The following RSPH1 variants were observed in gnomAD, a reference collection of about 807,000 sequenced individuals.
The protein encoded by RSPH1 is radial spoke head 1 homolog.
Under a neutral mutation model 44.2 loss-of-function variants are expected in RSPH1, and 32 were observed. The observed-to-expected ratio is 0.72, with a 90% CI of 0.55 to 0.97. The LOEUF (loss-of-function observed/expected upper bound fraction) is 0.97, where lower values mean the gene tolerates loss of function less well. RSPH1 is among the 50% of genes least tolerant of loss of function. The pLI is 0.00. For synonymous variants in RSPH1, 134 were observed against 147.3 expected, an observed-to-expected ratio of 0.91 and a Z score of 0.65; for missense variants, 391 against 398.7, an observed-to-expected ratio of 0.98 and a Z score of 0.16.
At chr21:42,496,050 G>T (rs1320651038) in intron 1 of RSPH1, 83 bp downstream of exon 1, 7 of 1,500,562 alleles carry the variant, frequency 4.7e-6, no homozygotes, top group East Asian at 2.3e-5. Context: ...TGGTTTCTGC[G>T]CCTCCTCACT....
intron 3 of RSPH1, among the ~76,000 whole-genome samples, chr21:42,489,235 G>A (rs2054211385): frequency 6.6e-6 from 1 of 151,702 alleles, no homozygotes; most frequent in African/African-American, 2.4e-5. Flanking sequence ...CTGGTTTGTT[G>A]ATTGGTTAGC....
intron 6 of RSPH1, among the ~76,000 whole-genome samples, chr21:42,480,256 T>C (rs2054112330): frequency 6.6e-6 from 1 of 152,202 alleles, no homozygotes; most frequent in Non-Finnish European, 1.5e-5. Context: ...GACAGTCACT[T>C]GATCATGGGA....
intron 3 of RSPH1, among the ~76,000 whole-genome samples, chr21:42,489,322 C>G (rs1179655712): frequency 1.4e-5 from 2 of 142,416 alleles, no homozygotes; most frequent in Admixed American, 6.9e-5. Context: ...GTTGGTTAGA[C>G]AGTTGGTTGG....
chr21:42,487,393 T>C (rs750481880), intron 3 of RSPH1, among the ~76,000 whole-genome samples: 3 of 152,170 alleles, frequency 2.0e-5, no homozygotes, highest in Non-Finnish European at 4.4e-5. Flanking sequence ...AGACTATGAA[T>C]AATAAAAAGC....
At chr21:42,483,022 T>A (rs1201151384) in intron 5 of RSPH1, among the ~76,000 whole-genome samples, 1 of 152,230 alleles carries the variant, frequency 6.6e-6, no homozygotes, top group Non-Finnish European at 1.5e-5. Context: ...GATGCATTCT[T>A]TGTAACTTTG....
At chr21:42,476,837 G>C (rs373839191) in intron 7 of RSPH1, among the ~76,000 whole-genome samples, 2 of 152,058 alleles carry the variant, frequency 1.3e-5, no homozygotes, top group East Asian at 1.9e-4. Context: ...AATCCCAAAG[G>C]CTCTCCCTAA....
chr21:42,486,047 C>T (rs1174415616), intron 4 of RSPH1: 4 of 596,210 alleles, frequency 6.7e-6, no homozygotes, highest in Non-Finnish European at 1.2e-5. Flanking sequence ...GTGTCAGCTG[C>T]TTTCCCCAGG....
chr21:42,488,820 T>C (rs1489021732), intron 3 of RSPH1, among the ~76,000 whole-genome samples: 1 of 152,206 alleles, frequency 6.6e-6, no homozygotes, highest in African/African-American at 2.4e-5. Context: ...AAGTCAAGTT[T>C]CCTTTTTTGA....
In RSPH1 at chr21:42,485,648, T is replaced by A. The variant is rs571999321; in HGVS notation, c.501+21A>T. The A allele has an allele frequency of 1.8e-4, 288 of 1,613,956 alleles. 1 individual carries two copies. The South Asian group carries it at 3.0e-3, about 17-fold the overall frequency. ...GGTTATTTTGTACTTCATTGGCAAA[T>A]GTCACTTCCCATGGACTTACATTTT... On this transcript the variant is annotated intron_variant, in intron 5 of 8. Transcript: ENST00000291536.
chr21:42,492,897 G>C, intron 2 of RSPH1, 34 bp from the exon 3 acceptor site: 1 of 1,566,550 alleles, frequency 6.4e-7, no homozygotes, highest in South Asian at 1.1e-5. Context: ...TCATATCATT[G>C]CTGAATGTAG....
chr21:42,476,537 C>T (rs2054053125), intron 7 of RSPH1, among the ~76,000 whole-genome samples: 1 of 152,184 alleles, frequency 6.6e-6, no homozygotes, highest in South Asian at 2.1e-4. Flanking sequence ...CCGGGGTAGC[C>T]ACCTTCAACT....
chr21:42,480,036 T>C (rs1233965935), intron 6 of RSPH1, among the ~76,000 whole-genome samples: 1 of 152,208 alleles, frequency 6.6e-6, no homozygotes, highest in East Asian at 1.9e-4. Context: ...CAGATCACTG[T>C]GAGGCCACAC....
rs962115521 is a variant in RSPH1, at chr21:42,483,040, T to A, written c.502-332A>T. Reference sequence around the variant, plus strand: ...GCATTCTTTGTAACTTTGCTTCTAGTATACATGGTTAAATAAAAATCTGAT... The same window carrying A: ...GCATTCTTTGTAACTTTGCTTCTAGAATACATGGTTAAATAAAAATCTGAT... On this transcript the variant is annotated intron_variant, in intron 5 of 8. Coordinates refer to ENST00000291536, the MANE Select transcript of RSPH1 (RefSeq NM_080860.4). Among the ~76,000 whole-genome samples the A allele has an allele frequency of 3.3e-4, 50 of 152,214 alleles. 1 individual carries two copies. The highest frequency in any genetic ancestry group is 1.4e-3 in the Admixed American group (21 of 15,290).
intron 8 of RSPH1, among the ~76,000 whole-genome samples, chr21:42,473,405 C>T (rs111481478): frequency 0.03 from 4,554 of 151,132 alleles, 250 homozygotes; most frequent in African/African-American, 0.1. Context: ...GCAAGAGAAT[C>T]GCTTGAACCC....
intron 1 of RSPH1, among the ~76,000 whole-genome samples, chr21:42,495,713 C>G (rs533963592): frequency 6.6e-6 from 1 of 152,306 alleles, no homozygotes; most frequent in East Asian, 1.9e-4. Flanking sequence ...AACTATCCTC[C>G]ATGCATCTAA....
chr21:42,492,729 C>A (rs749605009), intron 3 of RSPH1, 29 bp downstream of exon 3: 14 of 1,356,650 alleles, frequency 1.0e-5, no homozygotes, highest in Non-Finnish European at 1.4e-5. Flanking sequence ...TTCTGTAACA[C>A]GAAAATCTGC....
intron 5 of RSPH1, among the ~76,000 whole-genome samples, chr21:42,483,176 A>G (rs891584568): frequency 2.6e-5 from 4 of 151,434 alleles, no homozygotes; most frequent in Admixed American, 6.6e-5. Flanking sequence ...CTGGTACTTT[A>G]TTTCATCTAT....
chr21:42,474,775 G>T lies in RSPH1; in HGVS notation c.877+1123C>A, dbSNP rs184995441. Among the ~76,000 whole-genome samples, 13 of 148,128 alleles carry T rather than the reference G, an allele frequency of 8.8e-5. No homozygotes were observed. Among genetic ancestry groups the T allele is most frequent in the East Asian group, 7.7e-4 (4 of 5,184 alleles). ...TGGGTGCATTGCTACAGCGCTCAGG[G>T]GAATTACCGATCACGAAAGTCTATG... On this transcript the variant is annotated intron_variant, in intron 8 of 8. Coordinates refer to ENST00000291536, the MANE Select transcript of RSPH1 (RefSeq NM_080860.4). This position sits in a 1 kb window ranked among gnomAD's most constrained non-coding sequence, Gnocchi z 5.2.
intron 7 of RSPH1, among the ~76,000 whole-genome samples, chr21:42,476,626 G>A (rs2054053946): frequency 1.3e-5 from 2 of 152,036 alleles, no homozygotes; most frequent in South Asian, 4.1e-4. Flanking sequence ...CTTCAGGGAA[G>A]GGCTGTCCCC....
Sources: allele counts gnomAD v4.1 joint callset (sites outside exome capture counted in the v4.1 genomes callset), GRCh38; gene constraint gnomAD v4.1.1; non-coding constraint Gnocchi (gnomAD v3.1); transcripts MANE v1.5; gene names NCBI Gene and HGNC (gene_info 2026-07-23, HGNC 2026-07-21).